Variants in TMEM132D observed in about 807,000 individuals in gnomAD.
TMEM132D encodes transmembrane protein 132D.
In TMEM132D, 21 loss-of-function variants were observed where a neutral mutation model predicts 62.3. The observed-to-expected ratio is 0.34, with a 90% CI of 0.24 to 0.49. TMEM132D has a LOEUF of 0.49. Ranked by LOEUF, TMEM132D falls within the 20% of genes least tolerant of loss-of-function variation. TMEM132D has a pLI of 0.99. For synonymous variants in TMEM132D, 621 were observed against 575.6 expected (o/e 1.08, Z -1.13); for missense variants, 1,346 against 1,402.8 (o/e 0.96, Z 0.65).
At chr12:129,539,574 A>T (rs372880001) in intron 2 of TMEM132D, among the ~76,000 whole-genome samples, 33 of 143,966 alleles carry the variant, frequency 2.3e-4, no homozygotes, top group South Asian at 2.2e-4. Context: ...AATTTTTTCT[A>T]TTTTTTTTTT....
chr12:129,336,395 G>A (rs994886838), intron 4 of TMEM132D, among the ~76,000 whole-genome samples: 3 of 152,050 alleles, frequency 2.0e-5, no homozygotes, highest in African/African-American at 7.2e-5. Context: ...GGCCAAGATG[G>A]TGAAACCCTG....
intron 3 of TMEM132D, among the ~76,000 whole-genome samples, chr12:129,480,344 A>C (rs1874392031): frequency 6.6e-6 from 1 of 152,236 alleles, no homozygotes; most frequent in Non-Finnish European, 1.5e-5. Flanking sequence ...CTTTGAGTGC[A>C]GTGAGGAATC....
At chr12:129,245,169 C>T (rs943491127) in intron 4 of TMEM132D, among the ~76,000 whole-genome samples, 15 of 152,188 alleles carry the variant, frequency 9.9e-5, no homozygotes, top group Admixed American at 9.8e-4. Context: ...TAGTATCCCA[C>T]AGAACAGTCT....
At chr12:129,111,329 A>G (rs1875694312) in intron 5 of TMEM132D, 1 of 152,168 alleles carries the variant, frequency 6.6e-6, no homozygotes, top group Non-Finnish European at 1.5e-5. Context: ...GGCCCTGCCT[A>G]CACCTTGATT....
At chr12:129,743,962 CT>C (rs139018465) in intron 1 of TMEM132D, among the ~76,000 whole-genome samples, 2,200 of 152,294 alleles carry the variant, frequency 0.014, 63 homozygotes, top group African/African-American at 0.05. Flanking sequence ...AAAGCGTGTG[CT>C]GTTTCAAGTC....
intron 1 of TMEM132D, among the ~76,000 whole-genome samples, chr12:129,832,917 T>C (rs759741279): frequency 6.6e-6 from 1 of 152,200 alleles, no homozygotes; most frequent in African/African-American, 2.4e-5. Context: ...TGCTAAGAAC[T>C]AGCAAACTCA....
At chr12:129,406,169 GA>G (rs1871777331) in intron 3 of TMEM132D, among the ~76,000 whole-genome samples, 1 of 152,146 alleles carries the variant, frequency 6.6e-6, no homozygotes, top group Non-Finnish European at 1.5e-5. Context: ...TACACCTTTT[GA>G]AAACAGCACG....
chr12:129,255,477 G>A (rs1195228543), intron 4 of TMEM132D, among the ~76,000 whole-genome samples: 1 of 152,174 alleles, frequency 6.6e-6, no homozygotes, highest in Non-Finnish European at 1.5e-5. Context: ...TACAGTGTCA[G>A]CTTTATATAG....
At chr12:129,487,936 CAAAAAAAAAA>C (rs58079383) in intron 3 of TMEM132D, among the ~76,000 whole-genome samples, 6 of 54,688 alleles carry the variant, frequency 1.1e-4, no homozygotes, top group African/African-American at 2.4e-4. Context: ...GACTCCATCT[CAAAAAAAAAA>C]AAAAAAAAAA....
In TMEM132D at chr12:129,072,641, C is replaced by G. The variant is rs1015618562; in HGVS notation, c.*1234G>C. On this transcript the variant is annotated 3_prime_UTR_variant, in exon 9 of 9. Coordinates refer to ENST00000422113, the MANE Select transcript of TMEM132D (RefSeq NM_133448.3). ...GCTGTCCGGTGTGTGTGAGGCTGGG[C>G]TTCCTGCTGGATCCACCACTTTCAC... is the stretch of plus-strand genomic sequence containing the variant. 1.3e-5 allele frequency: 2 copies of G among 152,402 alleles called. No individual in the cohort carries two copies. Among genetic ancestry groups the G allele is most frequent in the African/African-American group, 4.8e-5 (2 of 41,416 alleles). 9.4% of individuals were successfully genotyped at this position (152,402 alleles called of 1,614,324 possible). A position where few individuals can be genotyped will look rare whatever the true frequency, so the allele number is the denominator to read the frequency against.
chr12:129,150,806 C>T (rs1277966967), intron 5 of TMEM132D, among the ~76,000 whole-genome samples: 1 of 152,238 alleles, frequency 6.6e-6, no homozygotes, highest in Non-Finnish European at 1.5e-5. Flanking sequence ...TTCTCACTGT[C>T]CCCGTGACAG....
chr12:129,394,094 T>C (rs1871357078), intron 3 of TMEM132D, among the ~76,000 whole-genome samples: 1 of 152,168 alleles, frequency 6.6e-6, no homozygotes, highest in Admixed American at 6.5e-5. Flanking sequence ...ATTCTCAAAG[T>C]GGTTTTGTGG....
intron 1 of TMEM132D, among the ~76,000 whole-genome samples, chr12:129,819,924 C>T (rs2137324143): frequency 6.6e-6 from 1 of 152,234 alleles, no homozygotes; most frequent in Non-Finnish European, 1.5e-5. Context: ...GAGGCTGGAG[C>T]AGGGGACAGA....
intron 1 of TMEM132D, among the ~76,000 whole-genome samples, chr12:129,901,552 A>C (rs1029082377): frequency 5.9e-5 from 9 of 152,206 alleles, no homozygotes; most frequent in Non-Finnish European, 1.2e-4. Context: ...TGCTAGGCTT[A>C]TCGTAAACAT....
intron 3 of TMEM132D, among the ~76,000 whole-genome samples, chr12:129,420,512 GA>G (rs1872286935): frequency 1.3e-5 from 2 of 151,960 alleles, no homozygotes; most frequent in Admixed American, 6.6e-5. Context: ...AACAGCAGGG[GA>G]AAAATTCTAC....
chr12:129,453,080 T>C (rs144131610), intron 3 of TMEM132D, among the ~76,000 whole-genome samples: 158 of 152,308 alleles, frequency 1.0e-3, no homozygotes, highest in African/African-American at 3.6e-3. Context: ...GCACAAACCC[T>C]ATTGTGAACT....
chr12:129,873,355 A>G lies in TMEM132D; in HGVS notation c.79+29906T>C, dbSNP rs75001692. ...AGGGGAGAAAGCTGTTGGGATTGTC[A>G]TTATCACACCATTTCGCTGATTTGC... On this transcript the variant is annotated intron_variant, in intron 1 of 8. Transcript: ENST00000422113. Among the ~76,000 whole-genome samples the G allele has an allele frequency of 1.1e-3, 170 of 152,286 alleles. 5 individuals are homozygous for G. The highest frequency in any genetic ancestry group is 3.9e-3 in the African/African-American group (164 of 41,552).
At position 129,524,920 on chromosome 12, in the gene TMEM132D, C is replaced by T. The variant is rs1197414387; in HGVS notation, c.1115+6139G>A. ...CATTTTATTATTTTCATATTTTTTT[C>T]TTTTTTCTTTTTTTTTTTTTTTTTG... On this transcript the variant is annotated intron_variant, in intron 3 of 8. Transcript: ENST00000422113. Among the ~76,000 whole-genome samples the T allele has an allele frequency of 6.4e-4, 59 of 92,150 alleles. 2 individuals are homozygous for T. Among genetic ancestry groups the T allele is most frequent in the South Asian group, 6.0e-3 (14 of 2,344 alleles). 60.5% of individuals were successfully genotyped at this position (92,150 alleles called of 152,430 possible).
intron 1 of TMEM132D, among the ~76,000 whole-genome samples, chr12:129,846,804 C>A (rs543680647): frequency 6.6e-6 from 1 of 152,168 alleles, no homozygotes; most frequent in East Asian, 1.9e-4. Flanking sequence ...TTATTTGATT[C>A]TTTGTATATA....
Sources: allele counts gnomAD v4.1 joint callset (sites outside exome capture counted in the v4.1 genomes callset), GRCh38; gene constraint gnomAD v4.1.1; transcripts MANE v1.5; gene names NCBI Gene and HGNC (gene_info 2026-07-23, HGNC 2026-07-21).